The following STK38 variants were observed in gnomAD, a reference collection of about 807,000 sequenced individuals.
The protein encoded by STK38 is serine/threonine kinase 38.
STK38 carries 26 observed loss-of-function variants against 59.0 expected under a neutral mutation model. The ratio of observed to expected loss-of-function variants is 0.44; its 90% confidence interval spans 0.32 to 0.61. STK38 has a LOEUF of 0.61. Among genes scored for constraint, STK38 ranks in the 20% least tolerant of loss-of-function variants. STK38 has a pLI of 0.04. For missense variants in STK38, 433 were observed against 566.0 expected, an observed-to-expected ratio of 0.76 and a Z score of 2.38; for synonymous variants, 175 against 176.6, an observed-to-expected ratio of 0.99 and a Z score of 0.07.
At chr6:36,540,697 G>A (rs1777913699) in intron 1 of STK38, among the ~76,000 whole-genome samples, 1 of 151,868 alleles carries the variant, frequency 6.6e-6, no homozygotes, top group Admixed American at 6.6e-5. Flanking sequence ...GATGATCTTG[G>A]CTCACCGCAA....
At chr6:36,506,139 A>T (rs1776957206) in intron 9 of STK38, among the ~76,000 whole-genome samples, 1 of 152,196 alleles carries the variant, frequency 6.6e-6, no homozygotes, top group East Asian at 1.9e-4. Context: ...AAAGTCAGAA[A>T]GTGTGAGGCA....
chr6:36,509,559 G>A (rs1472239926), intron 7 of STK38, among the ~76,000 whole-genome samples: 4 of 150,848 alleles, frequency 2.7e-5, no homozygotes, highest in Non-Finnish European at 4.4e-5. Context: ...CTTAGGCCTC[G>A]GAACCTGGAC....
At chr6:36,541,089 G>A (rs1306609957) in intron 1 of STK38, among the ~76,000 whole-genome samples, 4 of 151,574 alleles carry the variant, frequency 2.6e-5, no homozygotes, top group South Asian at 2.1e-4. Context: ...TAGTAGAGAC[G>A]GGATTTCACC....
At chr6:36,498,771 T>C (rs1186126752) in intron 10 of STK38, among the ~76,000 whole-genome samples, 1 of 151,924 alleles carries the variant, frequency 6.6e-6, no homozygotes. Flanking sequence ...ATTTTTCTTT[T>C]GTAAAGACAG....
intron 11 of STK38, 115 bp downstream of exon 11, chr6:36,498,248 G>A: frequency 7.2e-7 from 1 of 1,383,778 alleles, no homozygotes; most frequent in South Asian, 1.4e-5. Context: ...TTTGTTTAAA[G>A]AGAGGAATAG....
At chr6:36,524,295 A>G in intron 4 of STK38, 46 bp downstream of exon 4, 2 of 1,584,416 alleles carry the variant, frequency 1.3e-6, no homozygotes, top group Non-Finnish European at 1.7e-6. Context: ...AGAAGCTTTG[A>G]AGTTTTGCAA....
At chr6:36,525,674 C>A in intron 2 of STK38, 32 bp from the exon 3 acceptor site, 1 of 1,573,610 alleles carries the variant, frequency 6.4e-7, no homozygotes, top group South Asian at 1.1e-5. Context: ...GACATGAAAT[C>A]ACATCTGAAT....
rs1776662614 is a variant in STK38 at position 36,494,905 on chromosome 6, T to A, written c.*879A>T. On this transcript the variant is annotated 3_prime_UTR_variant, in exon 14 of 14. Transcript: ENST00000229812. ...CTAGGCCTGGGCTCTCCTCGTTAGG[T>A]TCCCAGGAATAAATTGAGTTCCCAT... is the stretch of plus-strand genomic sequence containing the variant. The A allele has an allele frequency of 6.6e-6, 1 of 152,222 alleles. No individual in the cohort carries two copies. 9.4% of individuals were successfully genotyped at this position (152,222 alleles called of 1,614,324 possible).
intron 8 of STK38, among the ~76,000 whole-genome samples, chr6:36,507,209 C>T (rs1697926297): frequency 6.6e-6 from 1 of 152,012 alleles, no homozygotes; most frequent in African/African-American, 2.4e-5. Flanking sequence ...GAACTGTTCC[C>T]AGGAGTTTTT....
chr6:36,511,172 A>C (rs923385426), intron 7 of STK38, among the ~76,000 whole-genome samples: 1 of 152,186 alleles, frequency 6.6e-6, no homozygotes, highest in Non-Finnish European at 1.5e-5. Flanking sequence ...CATCAGGCTT[A>C]AACATACAAA....
intron 7 of STK38, among the ~76,000 whole-genome samples, chr6:36,511,998 A>G (rs1305175176): frequency 6.6e-6 from 1 of 152,124 alleles, no homozygotes; most frequent in Non-Finnish European, 1.5e-5. Context: ...GGCAGAAGTC[A>G]CAGTGAGCCA....
intron 8 of STK38, 112 bp from the exon 9 acceptor site, chr6:36,506,756 C>T (rs1280242265): frequency 4.5e-6 from 4 of 890,048 alleles, no homozygotes; most frequent in African/African-American, 1.7e-5. Context: ...TTTTCTTCTA[C>T]TCATACATCA....
At position 36,507,847 on chromosome 6, in the gene STK38, T is replaced by C. The variant is rs538117704; in HGVS notation, c.670-245A>G. ...TTATCCAAATACTGATTTTTAAACA[T>C]AGCTGACCCCTCCATAGCATCTAGA... On this transcript the variant is annotated intron_variant, in intron 7 of 13. Transcript: ENST00000229812. Among the ~76,000 whole-genome samples, 13 of 152,246 alleles carry C rather than the reference T, an allele frequency of 8.5e-5. No homozygotes were observed. In the East Asian group the frequency reaches 2.3e-3, roughly 27 times the overall value.
At chr6:36,517,430 C>G (rs1777282735) in intron 6 of STK38, among the ~76,000 whole-genome samples, 2 of 151,880 alleles carry the variant, frequency 1.3e-5, no homozygotes, top group Non-Finnish European at 2.9e-5. Flanking sequence ...GGAGAGCAGG[C>G]AGAGCACCCT....
At position 36,540,123 on chromosome 6, in the gene STK38, A is replaced by C; in HGVS notation, c.80T>G (p.Leu27Arg). The change falls in exon 2 of 14, where the codon CTG (leucine) becomes CGG (arginine). Residue 27 changes from leucine (L) to arginine (R), a missense_variant. Coordinates refer to ENST00000229812, the MANE Select transcript of STK38 (RefSeq NM_007271.4). ...KERVTMTKVT[L>R]ENFYSNLIAQ... ...GATAAGGTTGCTATAAAAATTCTCCAGTGTCACTTTGGTCATTGTCACCCT... is the reference window on the plus strand; with the variant it reads ...GATAAGGTTGCTATAAAAATTCTCCCGTGTCACTTTGGTCATTGTCACCCT... The C allele has an allele frequency of 6.2e-7, 1 of 1,614,118 alleles. No homozygotes were observed.
chr6:36,512,000 A>G (rs1022447722), intron 7 of STK38, among the ~76,000 whole-genome samples: 1 of 152,210 alleles, frequency 6.6e-6, no homozygotes, highest in Non-Finnish European at 1.5e-5. Flanking sequence ...CAGAAGTCAC[A>G]GTGAGCCAAG....
chr6:36,535,269 T>C (rs570736541), intron 2 of STK38, among the ~76,000 whole-genome samples: 3 of 151,882 alleles, frequency 2.0e-5, no homozygotes, highest in Non-Finnish European at 2.9e-5. Flanking sequence ...CCCAACATGG[T>C]GAAACCCCGT....
Position 36,536,724 on chromosome 6 carries a change from C to T in STK38, c.131+3348G>A, listed in dbSNP as rs199604699. 7.9e-5 allele frequency among the ~76,000 whole-genome samples: 12 copies of T among 151,828 alleles called. No homozygotes were observed. In the South Asian group the frequency reaches 1.9e-3, roughly 24 times the overall value. ...GCTAATTCTGTATTTTTAGTAGAGA[C>T]GGGGTTTCTCCATGTTGGTCGGGCT... On this transcript the variant is annotated intron_variant, in intron 2 of 13. Transcript: ENST00000229812.
intron 9 of STK38, 146 bp from the exon 10 acceptor site, chr6:36,500,136 G>A (rs934155735): frequency 3.1e-5 from 20 of 636,618 alleles, no homozygotes; most frequent in South Asian, 9.1e-5. Context: ...TGGCAAGCTC[G>A]ATTTCCCAAA....
Sources: gnomAD v4.1 joint callset for allele counts (sites outside exome capture counted in the v4.1 genomes callset) on GRCh38, gnomAD v4.1.1 for gene constraint, MANE v1.5 for transcripts, NCBI Gene and HGNC (gene_info 2026-07-23, HGNC 2026-07-21) for gene names.